Variants in TMTC1 observed in about 807,000 individuals in gnomAD.
The protein encoded by TMTC1 is transmembrane O-mannosyltransferase targeting cadherins 1, also known as protein O-mannosyl-transferase TMTC1.
TMTC1 carries 73 observed loss-of-function variants against 104.8 expected under a neutral mutation model. That is an observed-to-expected ratio of 0.70 (90% CI 0.58 to 0.85). The LOEUF (loss-of-function observed/expected upper bound fraction) is 0.85, where lower values mean the gene tolerates loss of function less well. Ranked by LOEUF, TMTC1 falls within the 40% of genes least tolerant of loss-of-function variation. TMTC1 has a pLI of 0.00. For synonymous variants in TMTC1, 434 were observed against 428.7 expected (o/e 1.01, Z -0.15); for missense variants, 1,035 against 1,096.1 (o/e 0.94, Z 0.79).
chr12:29,760,509 T>C (rs1943319209), intron 2 of TMTC1, among the ~76,000 whole-genome samples: 1 of 152,094 alleles, frequency 6.6e-6, no homozygotes, highest in Non-Finnish European at 1.5e-5. Context: ...AATTATTAAA[T>C]GAAAAAACTT....
intron 5 of TMTC1, among the ~76,000 whole-genome samples, chr12:29,653,295 C>T (rs1241582763): frequency 6.6e-6 from 1 of 151,960 alleles, no homozygotes; most frequent in African/African-American, 2.4e-5. Context: ...AGGCCAGAAA[C>T]CGTGAGGGCC....
At chr12:29,736,529 C>G (rs1341249378) in intron 5 of TMTC1, among the ~76,000 whole-genome samples, 1 of 152,102 alleles carries the variant, frequency 6.6e-6, no homozygotes. Flanking sequence ...AAGTGATTCT[C>G]CTGCCTCAGC....
intron 6 of TMTC1, among the ~76,000 whole-genome samples, chr12:29,616,204 G>A (rs1342083060): frequency 1.3e-5 from 2 of 152,214 alleles, no homozygotes; most frequent in Admixed American, 1.3e-4. Flanking sequence ...TTAATGGTCT[G>A]TATGATGCTG....
intron 6 of TMTC1, among the ~76,000 whole-genome samples, chr12:29,621,435 A>T (rs1937666154): frequency 6.6e-6 from 1 of 152,256 alleles, no homozygotes; most frequent in Non-Finnish European, 1.5e-5. Context: ...GTATGTGACA[A>T]TGATGAAACT....
chr12:29,516,342 T>C lies in TMTC1; in HGVS notation c.2307+7A>G. On this transcript the variant is annotated splice_region_variant and intron_variant, in intron 15 of 17. Transcript: ENST00000539277. Reference sequence around the variant, plus strand: ...TCCAAAGAACTCTAAACAATGTCCTTCTTTACCTTGTCGTGGTTCTCCTGC... The same window carrying C: ...TCCAAAGAACTCTAAACAATGTCCTCCTTTACCTTGTCGTGGTTCTCCTGC... The C allele has an allele frequency of 1.2e-6, 2 of 1,612,162 alleles. No individual in the cohort carries two copies. The highest frequency in any genetic ancestry group is 1.7e-6 in the Non-Finnish European group (2 of 1,178,908).
chr12:29,758,752 T>A lies in TMTC1; in HGVS notation c.506A>T (p.Asp169Val). 1 of 1,611,450 alleles carries A rather than the reference T, an allele frequency of 6.2e-7. No homozygotes were observed. The highest frequency in any genetic ancestry group is 8.5e-7 in the Non-Finnish European group (1 of 1,179,158). The change falls in exon 3 of 18, where the codon GAC becomes GTC. Residue 169 changes from aspartate (D) to valine (V), a missense_variant. Asp to Val is a radical substitution (Grantham distance 152). Transcript: ENST00000539277. ...EAVAGIVGRA[D>V]VLACLLFLLA... ...TAGAAACAGCAGACACGCTAACACG[T>A]CCGCTCTGCCAACGATCCCAGCCAC...
At chr12:29,691,224 T>G (rs1941256891) in intron 5 of TMTC1, among the ~76,000 whole-genome samples, 2 of 152,160 alleles carry the variant, frequency 1.3e-5, no homozygotes, top group African/African-American at 2.4e-5. Context: ...TTGAGATATT[T>G]TGCACTTGAT....
At chr12:29,653,117 C>G (rs936478926) in intron 5 of TMTC1, among the ~76,000 whole-genome samples, 1 of 151,244 alleles carries the variant, frequency 6.6e-6, no homozygotes, top group Non-Finnish European at 1.5e-5. Flanking sequence ...ACTTATATAT[C>G]TGGCAATGGC....
chr12:29,633,842 G>A (rs1349082547), intron 5 of TMTC1, among the ~76,000 whole-genome samples: 1 of 152,196 alleles, frequency 6.6e-6, no homozygotes, highest in African/African-American at 2.4e-5. Context: ...GGACAGCCAG[G>A]TAGACACAGG....
intron 5 of TMTC1, among the ~76,000 whole-genome samples, chr12:29,708,451 T>C (rs888055265): frequency 1.1e-4 from 16 of 152,142 alleles, no homozygotes; most frequent in Middle Eastern, 3.2e-3. Flanking sequence ...TCAGAGATCA[T>C]CCAAAACACT....
chr12:29,537,835 GTTC>G (rs1944686973), intron 10 of TMTC1, among the ~76,000 whole-genome samples: 1 of 152,156 alleles, frequency 6.6e-6, no homozygotes, highest in South Asian at 2.1e-4. Context: ...ATAAGTTTGA[GTTC>G]TTAAGTGTTA....
chr12:29,536,667 G>T (rs1041150490), intron 10 of TMTC1, among the ~76,000 whole-genome samples: 44 of 152,240 alleles, frequency 2.9e-4, no homozygotes, highest in African/African-American at 1.1e-3. Flanking sequence ...AAATTGGGTG[G>T]CATGAGAGCC....
chr12:29,624,058 C>A (rs1015035229), intron 6 of TMTC1, among the ~76,000 whole-genome samples: 22 of 152,032 alleles, frequency 1.4e-4, no homozygotes, highest in African/African-American at 5.3e-4. Context: ...CGGCTCACTG[C>A]AACTTCTACC....
intron 6 of TMTC1, among the ~76,000 whole-genome samples, chr12:29,621,823 G>A (rs957298506): frequency 4.6e-5 from 7 of 152,128 alleles, no homozygotes; most frequent in Non-Finnish European, 8.8e-5. Context: ...GGAGATCCCT[G>A]AGATGAGAAG....
chr12:29,586,655 A>G (rs1419295430), intron 7 of TMTC1, among the ~76,000 whole-genome samples: 1 of 151,288 alleles, frequency 6.6e-6, no homozygotes, highest in East Asian at 1.9e-4. Context: ...GGGTTGTTGA[A>G]TTTTGTCAAA....
At chr12:29,751,968 T>C (rs1377761439) in intron 4 of TMTC1, 96 bp from the exon 5 acceptor site, 1 of 1,201,416 alleles carries the variant, frequency 8.3e-7, no homozygotes, top group East Asian at 2.6e-5. Flanking sequence ...CAAGTCTTGC[T>C]TCCTGGAAAC....
chr12:29,612,873 T>C (rs1027191127), intron 6 of TMTC1, among the ~76,000 whole-genome samples: 1 of 152,238 alleles, frequency 6.6e-6, no homozygotes, highest in African/African-American at 2.4e-5. Context: ...AATAATCACT[T>C]TTGACATATG....
intron 6 of TMTC1, among the ~76,000 whole-genome samples, chr12:29,608,068 G>A (rs750348645): frequency 6.6e-6 from 1 of 152,078 alleles, no homozygotes; most frequent in South Asian, 2.1e-4. Flanking sequence ...ATGACAATAC[G>A]CTTTGTCTTT....
intron 6 of TMTC1, among the ~76,000 whole-genome samples, chr12:29,604,969 A>T (rs1273816636): frequency 6.6e-6 from 1 of 151,906 alleles, no homozygotes; most frequent in Admixed American, 6.6e-5. Context: ...CTTTATTTGC[A>T]AAGATTTTTA....
Sources: gnomAD v4.1 joint callset for allele counts (sites outside exome capture counted in the v4.1 genomes callset) on GRCh38, gnomAD v4.1.1 for gene constraint, MANE v1.5 for transcripts, NCBI Gene and HGNC (gene_info 2026-07-23, HGNC 2026-07-21) for gene names.